Variants in MPPED2 observed in about 807,000 individuals in gnomAD.
The protein encoded by MPPED2 is metallophosphoesterase MPPED2.
MPPED2 carries 5 observed loss-of-function variants against 33.0 expected under a neutral mutation model. The ratio of observed to expected loss-of-function variants is 0.15; its 90% confidence interval spans 0.08 to 0.32. The LOEUF (loss-of-function observed/expected upper bound fraction) is 0.32, where lower values mean the gene tolerates loss of function less well. Ranked by LOEUF, MPPED2 falls within the 10% of genes least tolerant of loss-of-function variation. The pLI is 1.00. For synonymous variants in MPPED2, 136 were observed against 141.9 expected (o/e 0.96, Z 0.29); for missense variants, 275 against 372.1 (o/e 0.74, Z 2.15).
intron 3 of MPPED2, among the ~76,000 whole-genome samples, chr11:30,506,029 T>A (rs888825913): frequency 3.3e-5 from 5 of 151,876 alleles, no homozygotes; most frequent in African/African-American, 1.2e-4. Context: ...ATAATTATTA[T>A]TGTTATTATT....
chr11:30,503,127 C>T (rs1395519807), intron 3 of MPPED2, among the ~76,000 whole-genome samples: 3 of 152,102 alleles, frequency 2.0e-5, no homozygotes, highest in Non-Finnish European at 4.4e-5. Flanking sequence ...TGGTTATCCT[C>T]ATGCTGGTCT....
intron 4 of MPPED2, among the ~76,000 whole-genome samples, chr11:30,468,529 GC>G (rs1467956735): frequency 6.6e-6 from 1 of 152,186 alleles, no homozygotes; most frequent in Non-Finnish European, 1.5e-5. Context: ...TGAAAGAGAG[GC>G]CAAGGGGAAA....
chr11:30,486,696 C>T (rs917828628), intron 4 of MPPED2, among the ~76,000 whole-genome samples: 3 of 152,130 alleles, frequency 2.0e-5, no homozygotes, highest in Admixed American at 1.3e-4. Context: ...AAGATTTGTC[C>T]TACTCCCATT....
chr11:30,493,634 A>G (rs1208334985), intron 4 of MPPED2, among the ~76,000 whole-genome samples: 3 of 151,484 alleles, frequency 2.0e-5, no homozygotes, highest in South Asian at 2.1e-4. Context: ...GATATTGACA[A>G]TCATTTAGTC....
intron 2 of MPPED2, among the ~76,000 whole-genome samples, chr11:30,564,018 T>C (rs1402545486): frequency 6.6e-6 from 1 of 152,192 alleles, no homozygotes; most frequent in South Asian, 2.1e-4. Context: ...GAGAAACAAC[T>C]GGGAAAAGGA....
chr11:30,566,431 G>C (rs1398257822), intron 2 of MPPED2, among the ~76,000 whole-genome samples: 2 of 152,146 alleles, frequency 1.3e-5, no homozygotes, highest in African/African-American at 4.8e-5. Flanking sequence ...AGGCAGAGAT[G>C]ATAGCATTAG....
At chr11:30,466,285 G>C (rs1331694795) in intron 4 of MPPED2, among the ~76,000 whole-genome samples, 1 of 152,234 alleles carries the variant, frequency 6.6e-6, no homozygotes, top group Non-Finnish European at 1.5e-5. Context: ...AGCTAAGAGA[G>C]CAAGGTATGA....
chr11:30,438,350 G>C (rs1949414637), intron 4 of MPPED2, among the ~76,000 whole-genome samples: 1 of 152,174 alleles, frequency 6.6e-6, no homozygotes, highest in Non-Finnish European at 1.5e-5. Context: ...CCACAGTCCT[G>C]CAATTGACTT....
At chr11:30,477,262 T>C (rs1296244683) in intron 4 of MPPED2, among the ~76,000 whole-genome samples, 6 of 152,036 alleles carry the variant, frequency 3.9e-5, no homozygotes, top group African/African-American at 7.2e-5. Flanking sequence ...TTCATAACAA[T>C]GGTAAATAGC....
At chr11:30,585,239 C>G (rs1957405114) in intron 1 of MPPED2, among the ~76,000 whole-genome samples, 1 of 152,284 alleles carries the variant, frequency 6.6e-6, no homozygotes, top group East Asian at 1.9e-4. Flanking sequence ...CCTCGGTACT[C>G]GTCCCCCGTC....
intron 4 of MPPED2, among the ~76,000 whole-genome samples, chr11:30,464,188 A>C (rs903910885): frequency 8.6e-5 from 13 of 151,746 alleles, no homozygotes; most frequent in African/African-American, 3.1e-4. Flanking sequence ...TCAGACTTGG[A>C]TCTCATGGAC....
intron 4 of MPPED2, among the ~76,000 whole-genome samples, chr11:30,441,940 G>T (rs1166236928): frequency 1.3e-5 from 2 of 152,126 alleles, no homozygotes; most frequent in East Asian, 3.8e-4. Context: ...ACCCTGTCTT[G>T]TTTACCACTG....
chr11:30,496,828 C>T (rs929214122), intron 3 of MPPED2, among the ~76,000 whole-genome samples: 5 of 152,164 alleles, frequency 3.3e-5, no homozygotes, highest in South Asian at 2.1e-4. Context: ...ACATCACAAA[C>T]ATATTTGCTA....
At chr11:30,440,966 G>T (rs1416595970) in intron 4 of MPPED2, among the ~76,000 whole-genome samples, 1 of 152,200 alleles carries the variant, frequency 6.6e-6, no homozygotes, top group Non-Finnish European at 1.5e-5. Flanking sequence ...GAGTTAAAGA[G>T]GTGTCTTTAC....
chr11:30,516,928 G>A (rs1233099263), intron 3 of MPPED2, among the ~76,000 whole-genome samples: 2 of 152,160 alleles, frequency 1.3e-5, no homozygotes, highest in African/African-American at 4.8e-5. Flanking sequence ...TCCAATGGAT[G>A]CAAATGTGGA....
At chr11:30,543,792 CTTTTTTTTTTTTT>C (rs35206591) in intron 2 of MPPED2, among the ~76,000 whole-genome samples, 2 of 106,630 alleles carry the variant, frequency 1.9e-5, no homozygotes, top group Non-Finnish European at 3.9e-5. Flanking sequence ...TGGCGTTGTT[CTTTTTTTTTTTTT>C]TTTTTTTTTT....
chr11:30,435,691 A>G (rs1358785211), intron 4 of MPPED2, among the ~76,000 whole-genome samples: 2 of 152,186 alleles, frequency 1.3e-5, no homozygotes, highest in Non-Finnish European at 2.9e-5. Context: ...AATCTCTCCC[A>G]GTTTTGTGAG....
At chr11:30,480,627 C>A (rs1027044794) in intron 4 of MPPED2, among the ~76,000 whole-genome samples, 2 of 152,034 alleles carry the variant, frequency 1.3e-5, no homozygotes, top group African/African-American at 4.8e-5. Flanking sequence ...TTGCTCCTTG[C>A]ATATACTTCA....
chr11:30,513,018 A>C (rs1953315510), intron 3 of MPPED2, among the ~76,000 whole-genome samples: 1 of 151,936 alleles, frequency 6.6e-6, no homozygotes, highest in African/African-American at 2.4e-5. Flanking sequence ...TCAAAAGAAA[A>C]AAAAAAAAGT....
Sources: allele counts gnomAD v4.1 joint callset (sites outside exome capture counted in the v4.1 genomes callset), GRCh38; gene constraint gnomAD v4.1.1; transcripts MANE v1.5; gene names NCBI Gene and HGNC (gene_info 2026-07-23, HGNC 2026-07-21).